APPL2: variants seen among roughly 807,000 people sequenced by gnomAD.
APPL2 encodes the protein DCC-interacting protein 13-beta.
In APPL2, 84 loss-of-function variants were observed where a neutral mutation model predicts 92.7. The observed-to-expected ratio is 0.91, with a 90% confidence interval of 0.76 to 1.09. The LOEUF (loss-of-function observed/expected upper bound fraction) is 1.09. Ranked by LOEUF, APPL2 falls within the 50% of genes least tolerant of loss-of-function variation. The probability of loss-of-function intolerance (pLI) is 0.00; values close to 1 mark genes in which losing one functional copy is unlikely to be tolerated. For synonymous variants in APPL2, 291 were observed against 291.0 expected (o/e 1.00, Z 0.00); for missense variants, 736 against 824.5 (o/e 0.89, Z 1.31).
At chr12:105,219,713 C>T (rs568834959) in intron 2 of APPL2, among the ~76,000 whole-genome samples, 2 of 152,230 alleles carry the variant, frequency 1.3e-5, no homozygotes, top group Non-Finnish European at 2.9e-5. Context: ...AGACTACTAC[C>T]TGTCAACCAT....
intron 10 of APPL2, 38 bp downstream of exon 10, chr12:105,199,335 C>T (rs778333166): frequency 1.0e-5 from 16 of 1,592,854 alleles, no homozygotes; most frequent in Middle Eastern, 1.9e-4. Context: ...TTAGGGAAAA[C>T]GGATTTCAGA....
Position 105,195,281 on chromosome 12 carries a change from T to G in APPL2, c.1221A>C (p.Lys407Asn). The change falls in exon 14 of 21, where the codon AAA (lysine) becomes AAC (asparagine). Residue 407 changes from lysine to asparagine, a missense_variant. Coordinates refer to ENST00000258530, the MANE Select transcript of APPL2 (RefSeq NM_018171.5). ...GTTACCTGGGGCATGAGCTTTCTTG[T>G]TTTTTTCCAAAACTTGTAATGGGAG... ...AVTPITSFGK[K>N]QESSCPSQNL... The G allele has an allele frequency of 6.2e-7, 1 of 1,614,166 alleles. No individual in the cohort carries two copies. Among genetic ancestry groups the G allele is most frequent in the Non-Finnish European group, 8.5e-7 (1 of 1,180,012 alleles).
intron 17 of APPL2, among the ~76,000 whole-genome samples, chr12:105,181,916 C>T (rs989311693): frequency 6.6e-6 from 1 of 152,116 alleles, no homozygotes; most frequent in African/African-American, 2.4e-5. Flanking sequence ...AAAACCAGCT[C>T]CTGGATTCAT....
At chr12:105,205,689 C>T (rs928291115) in intron 8 of APPL2, among the ~76,000 whole-genome samples, 2 of 152,230 alleles carry the variant, frequency 1.3e-5, no homozygotes, top group Non-Finnish European at 2.9e-5. Context: ...AGCAAGGCTA[C>T]GGCCCCAGAG....
At chr12:105,206,097 C>G (rs1242772861) in intron 8 of APPL2, among the ~76,000 whole-genome samples, 1 of 152,194 alleles carries the variant, frequency 6.6e-6, no homozygotes, top group East Asian at 1.9e-4. Context: ...GAGTACTGTT[C>G]TGGCAGTGAG....
chr12:105,208,786 G>A (rs1303464221), intron 5 of APPL2, among the ~76,000 whole-genome samples: 6 of 152,136 alleles, frequency 3.9e-5, no homozygotes, highest in Admixed American at 2.0e-4. Context: ...GCTGAACCAA[G>A]CCCAAGACCA....
Position 105,207,955 on chromosome 12 carries a change from TGTAAA to T in APPL2, c.474+11_474+15del. 1.9e-6 allele frequency: 3 copies of T among 1,606,196 alleles called. No individual in the cohort carries two copies. Among genetic ancestry groups the T allele is most frequent in the South Asian group, 1.1e-5 (1 of 90,902 alleles). ...TATGTAAATGAAGTGAAAAACAACA[TGTAAA>T]GTATTCTTACCTTCTCATTCTCCTT... On this transcript the variant is annotated intron_variant, in intron 7 of 20. Coordinates refer to ENST00000258530, the MANE Select transcript of APPL2 (RefSeq NM_018171.5).
At chr12:105,217,866 A>T (rs1003040162) in intron 2 of APPL2, 141 bp from the exon 3 acceptor site, 16 of 680,278 alleles carry the variant, frequency 2.4e-5, no homozygotes, top group Non-Finnish European at 4.9e-6. Context: ...ACTTTGGGAG[A>T]TTGAGGCAGG....
intron 2 of APPL2, among the ~76,000 whole-genome samples, chr12:105,226,106 C>T (rs1367018400): frequency 1.3e-5 from 2 of 152,100 alleles, no homozygotes; most frequent in African/African-American, 2.4e-5. Flanking sequence ...GAAAACATAA[C>T]TTTAGGGGAA....
intron 1 of APPL2, among the ~76,000 whole-genome samples, chr12:105,235,588 A>G (rs1015435431): frequency 5.9e-5 from 9 of 152,212 alleles, no homozygotes; most frequent in African/African-American, 2.2e-4. Flanking sequence ...AGCAGGCACA[A>G]TTATTATTCC....
rs1401325120 is a variant in APPL2, at chr12:105,229,158, C to A, written c.120G>T (p.Leu40=). Residue 40 remains leucine, a synonymous_variant, in exon 2 of 21, where the codon CTG becomes CTT. Transcript: ENST00000258530. ...CATAGACGCGCTGCATTGCCTGGAG[C>A]AGCTGGTTGGTATAGTCTGTGAGGG... The part of the protein sequence containing the change: ...AGTLTDYTNQ[L]LQAMQRVYGA... 2.5e-6 allele frequency: 4 copies of A among 1,613,290 alleles called. No homozygotes were observed. Among genetic ancestry groups the A allele is most frequent in the Non-Finnish European group, 2.5e-6 (3 of 1,179,750 alleles).
chr12:105,224,162 A>G (rs935244), intron 2 of APPL2, among the ~76,000 whole-genome samples: 133,704 of 152,234 alleles, frequency 0.88, 59,112 homozygotes, highest in East Asian at 1. Context: ...CTAAGAAGTC[A>G]TTACCAAGAG....
At chr12:105,204,677 A>G (rs1226293861) in intron 8 of APPL2, among the ~76,000 whole-genome samples, 2 of 152,136 alleles carry the variant, frequency 1.3e-5, no homozygotes, top group Non-Finnish European at 2.9e-5. Flanking sequence ...AGCACTCTGC[A>G]TTTCTAATGG....
chr12:105,178,331 G>A (rs1306702157), intron 17 of APPL2, among the ~76,000 whole-genome samples: 1 of 152,144 alleles, frequency 6.6e-6, no homozygotes, highest in African/African-American at 2.4e-5. Context: ...CCATTTATAT[G>A]TTAAATGTCC....
At chr12:105,208,428 C>A (rs1888938849) in intron 5 of APPL2, among the ~76,000 whole-genome samples, 1 of 152,178 alleles carries the variant, frequency 6.6e-6, no homozygotes, top group Non-Finnish European at 1.5e-5. Flanking sequence ...AGCAGCCCTG[C>A]CTCTCCACAT....
chr12:105,235,887 C>T (rs552716589), intron 1 of APPL2, 72 bp downstream of exon 1: 2 of 1,188,488 alleles, frequency 1.7e-6, no homozygotes, highest in East Asian at 6.6e-5. Context: ...GGCGCGGCCT[C>T]CACTCCGGGG....
chr12:105,215,494 G>A (rs923913601), intron 4 of APPL2, among the ~76,000 whole-genome samples: 4 of 152,124 alleles, frequency 2.6e-5, no homozygotes, highest in African/African-American at 4.8e-5. Flanking sequence ...TACATCCCCC[G>A]TGCCTAGAAC....
intron 17 of APPL2, among the ~76,000 whole-genome samples, chr12:105,181,432 G>GT (rs1469447731): frequency 6.6e-6 from 1 of 152,078 alleles, no homozygotes; most frequent in African/African-American, 2.4e-5. Flanking sequence ...TTTTTTTATT[G>GT]TGTCTCTGCC....
At chr12:105,185,102 T>TC (rs1014206638) in intron 17 of APPL2, among the ~76,000 whole-genome samples, 29 of 151,648 alleles carry the variant, frequency 1.9e-4, no homozygotes, top group African/African-American at 4.6e-4. Context: ...CGGATGCCCC[T>TC]CCCCCCCACC....
Sources: gnomAD v4.1 joint callset for allele counts (sites outside exome capture counted in the v4.1 genomes callset) on GRCh38, gnomAD v4.1.1 for gene constraint, MANE v1.5 for transcripts, NCBI Gene and HGNC (gene_info 2026-07-23, HGNC 2026-07-21) for gene names.